The following TMC5 variants were observed in gnomAD, a reference collection of about 807,000 sequenced individuals.
The protein encoded by TMC5 is transmembrane channel-like protein 5.
In TMC5, 86 loss-of-function variants were observed where a neutral mutation model predicts 110.5. The ratio of observed to expected loss-of-function variants is 0.78; its 90% CI spans 0.65 to 0.93. The LOEUF is 0.93. Among genes scored for constraint, TMC5 ranks in the 40% least tolerant of loss-of-function variants. The pLI is 0.00. For synonymous variants in TMC5, 455 were observed against 439.5 expected (o/e 1.04, Z -0.44); for missense variants, 1,144 against 1,222.8 (o/e 0.94, Z 0.96).
chr16:19,467,814 A>G (rs1968228343), intron 9 of TMC5, among the ~76,000 whole-genome samples: 1 of 151,978 alleles, frequency 6.6e-6, no homozygotes, highest in Admixed American at 6.6e-5. Flanking sequence ...CTACCTCCAA[A>G]TACAGTCACA....
intron 12 of TMC5, among the ~76,000 whole-genome samples, chr16:19,475,689 G>GT (rs2143664449): frequency 6.6e-6 from 1 of 151,972 alleles, no homozygotes; most frequent in South Asian, 2.1e-4. Context: ...CTTGCTTCTT[G>GT]ACTGCATTTT....
At chr16:19,471,736 T>A (rs1259881685) in intron 10 of TMC5, among the ~76,000 whole-genome samples, 2 of 152,024 alleles carry the variant, frequency 1.3e-5, no homozygotes, top group African/African-American at 4.8e-5. Flanking sequence ...AACTTGACTT[T>A]CATTTATTTT....
chr16:19,470,722 A>T (rs943010635), intron 10 of TMC5, among the ~76,000 whole-genome samples: 3 of 1,306 alleles, frequency 2.3e-3, no homozygotes, highest in East Asian at 0.2. Flanking sequence ...CAAACTTATT[A>T]AAAAAAAAAA....
chr16:19,456,703 G>A (rs1175011159), intron 5 of TMC5: 1 of 1,603,162 alleles, frequency 6.2e-7, no homozygotes. Flanking sequence ...GCAGGAGGCA[G>A]GAGATGCTGT....
At chr16:19,463,457 A>C in intron 7 of TMC5, 90 bp downstream of exon 7, 1 of 1,109,140 alleles carries the variant, frequency 9.0e-7, no homozygotes, top group Non-Finnish European at 1.4e-6. Context: ...AGATGAACCA[A>C]AAATCAGAGC....
At chr16:19,474,003 GA>G in intron 11 of TMC5, 121 bp from the exon 12 acceptor site, 1 of 921,134 alleles carries the variant, frequency 1.1e-6, no homozygotes, top group South Asian at 2.2e-5. Flanking sequence ...TAAATAAATA[GA>G]TAAATAGTTA....
At chr16:19,478,254 A>C (rs1486047107) in intron 13 of TMC5, among the ~76,000 whole-genome samples, 1 of 152,168 alleles carries the variant, frequency 6.6e-6, no homozygotes, top group Non-Finnish European at 1.5e-5. Flanking sequence ...TGGGGTTGGA[A>C]GTAGAGTCAG....
intron 8 of TMC5, among the ~76,000 whole-genome samples, chr16:19,465,451 C>T (rs1458802410): frequency 6.6e-6 from 1 of 152,076 alleles, no homozygotes; most frequent in African/African-American, 2.4e-5. Flanking sequence ...GGGAGAATTG[C>T]TTGAACCCGG....
In TMC5 at chr16:19,486,924, CT is replaced by C; in HGVS notation, c.2364-20del. On this transcript the variant is annotated intron_variant, in intron 15 of 21. Transcript: ENST00000542583. ...CTTGTGTCTCCGCCAGCCTCTGACA[CT>C]CACCCTCTCTCCCTCACAGGATTGG... 6.2e-7 allele frequency: 1 copy of C among 1,610,590 alleles called. No homozygotes were observed.
In TMC5 at chr16:19,474,310, A is replaced by G. The variant is rs368791987; in HGVS notation, c.2090+34A>G. 29 of 1,601,432 alleles carry G rather than the reference A, an allele frequency of 1.8e-5. No homozygotes were observed. In the African/African-American group the frequency reaches 3.2e-4, roughly 18 times the overall value. ...TGTGTCGCGCCCAACACCAGCCTCT[A>G]TTTCCACAGAGAGAAGTGGGATGGC... On this transcript the variant is annotated intron_variant, in intron 12 of 21. Coordinates refer to ENST00000542583, the MANE Select transcript of TMC5 (RefSeq NM_001261841.2).
At position 19,490,519 on chromosome 16, in the gene TMC5, A is replaced by T. The variant is rs1335006954; in HGVS notation, c.2698A>T (p.Asn900Tyr). The T allele has an allele frequency of 1.2e-6, 2 of 1,614,016 alleles. No homozygotes were observed. The highest frequency in any genetic ancestry group is 1.7e-6 in the Non-Finnish European group (2 of 1,180,020). ...GYLWVVWIYR[N>Y]LIGSVHFFFI... The stretch of plus-strand genomic sequence containing the variant: ...CCTGTGGGTTGTTTGGATCTATCGG[A>T]ACCTCATTGGAAGTGTGCACTTCTT... Residue 900 changes from asparagine (N) to tyrosine (Y), a missense_variant, in exon 18 of 22, where the codon AAC becomes TAC. Asn to Tyr is a moderately radical substitution (Grantham distance 143). Coordinates refer to ENST00000542583, the MANE Select transcript of TMC5 (RefSeq NM_001261841.2).
chr16:19,476,166 G>GGT (rs1968484097), intron 12 of TMC5, among the ~76,000 whole-genome samples: 1 of 151,988 alleles, frequency 6.6e-6, no homozygotes, highest in Non-Finnish European at 1.5e-5. Context: ...TTGGCAACAT[G>GGT]GTGAGACTCC....
At chr16:19,434,109 A>T (rs1420989666) in intron 2 of TMC5, among the ~76,000 whole-genome samples, 1 of 114,202 alleles carries the variant, frequency 8.8e-6, no homozygotes, top group East Asian at 2.3e-4. Flanking sequence ...TATATATATT[A>T]TATATATATC....
intron 3 of TMC5, 69 bp from the exon 4 acceptor site, chr16:19,443,996 AATGGATGGATGGATGG>A: frequency 6.9e-6 from 8 of 1,158,332 alleles, no homozygotes; most frequent in Middle Eastern, 2.2e-4. Flanking sequence ...TACATGATTG[AATGGATGGATGGATGG>A]ATGGATGGAT....
intron 13 of TMC5, among the ~76,000 whole-genome samples, 175 bp downstream of exon 13, chr16:19,477,693 C>G (rs905118654): frequency 6.6e-6 from 1 of 152,196 alleles, no homozygotes; most frequent in African/African-American, 2.4e-5. Flanking sequence ...AACAAAAAAG[C>G]TCAGGTTCTA....
chr16:19,440,147 G>A lies in TMC5; in HGVS notation c.109G>A (p.Asp37Asn), dbSNP rs1967449246. 6.2e-7 allele frequency: 1 copy of A among 1,613,988 alleles called. No homozygotes were observed. The highest frequency in any genetic ancestry group is 1.3e-5 in the African/African-American group (1 of 74,906). The change falls in exon 3 of 22, where the codon GAT becomes AAT. Residue 37 changes from aspartate to asparagine, a missense_variant. Physicochemically the swap from Asp to Asn is conservative, Grantham distance 23 (BLOSUM62 1). Transcript: ENST00000542583. Reference sequence around the variant, plus strand: ...GTATTTGAAAACTCAAGGTTATCCAGATGTTCCAGGTCCTCTGAACAATCC... The same window carrying A: ...GTATTTGAAAACTCAAGGTTATCCAAATGTTCCAGGTCCTCTGAACAATCC... ...QGYLKTQGYP[D>N]VPGPLNNPDY...
chr16:19,429,146 C>G (rs1239721209), intron 1 of TMC5, among the ~76,000 whole-genome samples: 2 of 152,058 alleles, frequency 1.3e-5, no homozygotes, highest in Non-Finnish European at 2.9e-5. Context: ...TTTTCCTATT[C>G]ATAGGTTTGA....
intron 10 of TMC5, among the ~76,000 whole-genome samples, chr16:19,470,664 C>A (rs568575234): frequency 9.0e-5 from 13 of 144,196 alleles, no homozygotes; most frequent in African/African-American, 3.1e-4. Context: ...AATTATGCAG[C>A]CCACCATGTC....
intron 5 of TMC5, among the ~76,000 whole-genome samples, chr16:19,459,871 T>G (rs917269109): frequency 8.1e-5 from 12 of 147,748 alleles, no homozygotes; most frequent in African/African-American, 2.3e-4. Flanking sequence ...TGGGCTGTGA[T>G]TGTGCCACTG....
Sources: allele counts gnomAD v4.1 joint callset (sites outside exome capture counted in the v4.1 genomes callset), GRCh38; gene constraint gnomAD v4.1.1; transcripts MANE v1.5; gene names NCBI Gene and HGNC (gene_info 2026-07-23, HGNC 2026-07-21).